The following DNAH12 variants were observed in gnomAD, a reference collection of about 807,000 sequenced individuals.
DNAH12 encodes the protein axonemal beta dynein heavy chain 12.
Under a neutral mutation model 371.5 loss-of-function variants are expected in DNAH12, and 285 were observed. The observed-to-expected ratio is 0.77, with a 90% CI of 0.70 to 0.85. DNAH12 has a LOEUF of 0.85. Among genes scored for constraint, DNAH12 ranks in the 40% least tolerant of loss-of-function variants. DNAH12 has a pLI of 0.00. For synonymous variants in DNAH12, 1,200 were observed against 1,213.0 expected (o/e 0.99, Z 0.22); for missense variants, 3,611 against 3,689.4 (o/e 0.98, Z 0.55).
intron 11 of DNAH12, chr3:57,498,302 T>G (rs1279320785): frequency 1.7e-6 from 1 of 573,416 alleles, no homozygotes; most frequent in Admixed American, 3.0e-5. Flanking sequence ...TATAACAACT[T>G]TGAAAGAAAT....
At chr3:57,469,971 GA>G (rs1466509223) in intron 16 of DNAH12, among the ~76,000 whole-genome samples, 2 of 151,928 alleles carry the variant, frequency 1.3e-5, no homozygotes, top group Non-Finnish European at 2.9e-5. Flanking sequence ...ACATGTTACC[GA>G]ATCTAAAATA....
chr3:57,367,101 G>C (rs948880717), intron 56 of DNAH12, among the ~76,000 whole-genome samples, 180 bp from the exon 57 acceptor site: 305 of 152,318 alleles, frequency 2.0e-3, no homozygotes, highest in Middle Eastern at 0.014. Flanking sequence ...GCCAAGGCAA[G>C]TGGATCACTG....
At chr3:57,378,180 TA>T (rs2063320578) in intron 52 of DNAH12, among the ~76,000 whole-genome samples, 3 of 152,094 alleles carry the variant, frequency 2.0e-5, no homozygotes, top group Non-Finnish European at 4.4e-5. Flanking sequence ...TGTATCAGAA[TA>T]AAAATGGCAG....
upstream of DNAH12, among the ~76,000 whole-genome samples, chr3:57,544,966 C>T (rs1433721673): frequency 1.3e-5 from 2 of 148,972 alleles, no homozygotes; most frequent in African/African-American, 4.9e-5. Flanking sequence ...ATTTGAGCAC[C>T]TTCTATGTGC....
chr3:57,323,731 G>C, intron 62 of DNAH12, 112 bp from the exon 63 acceptor site: 1 of 1,116,724 alleles, frequency 9.0e-7, no homozygotes, highest in Non-Finnish European at 1.2e-6. Context: ...GTCAAAAAAA[G>C]CATATAGCAT....
chr3:57,504,228 C>G (rs778074753), intron 8 of DNAH12, 24 bp from the exon 9 acceptor site: 3 of 1,581,990 alleles, frequency 1.9e-6, no homozygotes, highest in Admixed American at 3.6e-5. Flanking sequence ...ATCACTGTTA[C>G]TTTAGAGAGT....
chr3:57,505,413 C>T (rs2067716546), intron 8 of DNAH12, among the ~76,000 whole-genome samples: 1 of 151,882 alleles, frequency 6.6e-6, no homozygotes, highest in Admixed American at 6.6e-5. Context: ...TATGCAAACC[C>T]TAATTTTGTT....
At chr3:57,457,649 A>G in intron 22 of DNAH12, 72 bp downstream of exon 22, 1 of 1,426,150 alleles carries the variant, frequency 7.0e-7, no homozygotes. Flanking sequence ...GTGTTAATTT[A>G]CTGGTTTCCA....
intron 2 of DNAH12, among the ~76,000 whole-genome samples, chr3:57,524,196 G>A (rs547298464): frequency 5.9e-5 from 9 of 152,016 alleles, no homozygotes; most frequent in East Asian, 1.9e-4. Context: ...AATGTCTGCC[G>A]GTCTGTCAGA....
intron 62 of DNAH12, among the ~76,000 whole-genome samples, chr3:57,332,693 C>T (rs1273943750): frequency 6.6e-6 from 1 of 152,192 alleles, no homozygotes; most frequent in Non-Finnish European, 1.5e-5. Flanking sequence ...CAGAAATCTG[C>T]TCACAGTACC....
At chr3:57,472,970 A>G (rs1345514130) in intron 13 of DNAH12, among the ~76,000 whole-genome samples, 23 of 152,296 alleles carry the variant, frequency 1.5e-4, no homozygotes, top group Non-Finnish European at 5.9e-5. Context: ...TATGACTGAA[A>G]AATATAATTA....
chr3:57,502,908 G>A (rs185076438), intron 9 of DNAH12, among the ~76,000 whole-genome samples: 7 of 151,924 alleles, frequency 4.6e-5, no homozygotes, highest in Admixed American at 3.9e-4. Flanking sequence ...TCGAACTCCT[G>A]AGCTCAGGCA....
chr3:57,389,822 G>GTGTATATATATATATATATA (rs1326306277), intron 45 of DNAH12, among the ~76,000 whole-genome samples: 7 of 45,814 alleles, frequency 1.5e-4, no homozygotes, highest in Non-Finnish European at 4.3e-4. Context: ...GTGTGTGTGT[G>GTGTATATATATATATATATA]TATATATATA....
intron 34 of DNAH12, among the ~76,000 whole-genome samples, chr3:57,426,018 A>T (rs2064757399): frequency 1.3e-5 from 2 of 152,158 alleles, no homozygotes; most frequent in South Asian, 4.1e-4. Context: ...CGGGAGAGAG[A>T]TACACCAAAG....
chr3:57,456,778 CCA>C (rs1464687905), intron 22 of DNAH12, among the ~76,000 whole-genome samples: 1 of 152,088 alleles, frequency 6.6e-6, no homozygotes, highest in Non-Finnish European at 1.5e-5. Flanking sequence ...CCCTAAGCCT[CCA>C]CAAATCTGCT....
At chr3:57,434,269 A>C (rs936733877) in intron 30 of DNAH12, among the ~76,000 whole-genome samples, 7 of 152,056 alleles carry the variant, frequency 4.6e-5, no homozygotes, top group African/African-American at 1.7e-4. Context: ...ACTAGTTCTA[A>C]CCAACGGGTA....
At chr3:57,338,010 CCT>C (rs373113807) in intron 60 of DNAH12, among the ~76,000 whole-genome samples, 4 of 151,830 alleles carry the variant, frequency 2.6e-5, no homozygotes, top group African/African-American at 9.7e-5. Context: ...TTTCGCTCTC[CCT>C]CTCTCTCTCT....
At chr3:57,323,349 C>A in intron 63 of DNAH12, 89 bp from the exon 64 acceptor site, 1 of 1,477,308 alleles carries the variant, frequency 6.8e-7, no homozygotes. Flanking sequence ...ATGAAAAATT[C>A]TAGTTACGTT....
chr3:57,333,932 AAC>A (rs1268971266), intron 62 of DNAH12, among the ~76,000 whole-genome samples: 6 of 152,234 alleles, frequency 3.9e-5, no homozygotes, highest in African/African-American at 9.7e-5. Flanking sequence ...CTAATTTTAA[AAC>A]AGTTATTATA....
Sources: allele counts gnomAD v4.1 joint callset (sites outside exome capture counted in the v4.1 genomes callset), GRCh38; gene constraint gnomAD v4.1.1; transcripts MANE v1.5; gene names NCBI Gene and HGNC (gene_info 2026-07-23, HGNC 2026-07-21).